PDE4D: variants seen among roughly 807,000 people sequenced by gnomAD.
The protein encoded by PDE4D is 3',5'-cyclic-AMP phosphodiesterase 4D.
Under a neutral mutation model 87.4 loss-of-function variants are expected in PDE4D, and 24 were observed. The ratio of observed to expected loss-of-function variants is 0.27; its 90% CI spans 0.20 to 0.39. The LOEUF is 0.39. Ranked by LOEUF, PDE4D falls within the 10% of genes least tolerant of loss-of-function variation. The pLI is 1.00. For synonymous variants in PDE4D, 384 were observed against 383.2 expected (o/e 1.00, Z -0.02); for missense variants, 714 against 1,041.0 (o/e 0.69, Z 4.32).
intron 1 of PDE4D, among the ~76,000 whole-genome samples, chr5:59,826,895 GAC>G (rs766131295): frequency 6.2e-4 from 95 of 152,142 alleles, no homozygotes; most frequent in Non-Finnish European, 1.3e-3. Flanking sequence ...AGCTCTTCCT[GAC>G]ACACTGTGAA....
At chr5:60,074,692 T>C (rs1314740683) in intron 2 of PDE4D, among the ~76,000 whole-genome samples, 1 of 152,244 alleles carries the variant, frequency 6.6e-6, no homozygotes, top group Non-Finnish European at 1.5e-5. Context: ...TGCTCCTCTG[T>C]TGGGTATGTA....
intron 2 of PDE4D, among the ~76,000 whole-genome samples, chr5:60,055,123 A>G (rs1770634993): frequency 6.6e-6 from 1 of 152,126 alleles, no homozygotes; most frequent in African/African-American, 2.4e-5. Context: ...AGCAGCTAGG[A>G]GCCTTGGCAG....
intron 1 of PDE4D, among the ~76,000 whole-genome samples, chr5:59,642,808 TA>T (rs35192034): frequency 0.34 from 52,018 of 152,042 alleles, 10,255 homozygotes; most frequent in East Asian, 0.74. Context: ...AGAAGTCTTA[TA>T]AAAAATTTGT....
At chr5:59,315,220 T>C (rs540203174) in intron 1 of PDE4D, among the ~76,000 whole-genome samples, 12 of 152,258 alleles carry the variant, frequency 7.9e-5, no homozygotes, top group South Asian at 2.1e-4. Context: ...TTAGCTGAAC[T>C]GAGGAGCAGA....
At chr5:60,399,470 G>A (rs1180787359) in intron 1 of PDE4D, among the ~76,000 whole-genome samples, 1 of 152,200 alleles carries the variant, frequency 6.6e-6, no homozygotes, top group Non-Finnish European at 1.5e-5. Flanking sequence ...GTGAATCTTA[G>A]TGGGAAACAA....
At chr5:60,077,375 G>A (rs998545082) in intron 2 of PDE4D, among the ~76,000 whole-genome samples, 1 of 152,150 alleles carries the variant, frequency 6.6e-6, no homozygotes, top group Admixed American at 6.5e-5. Flanking sequence ...AGTAGCATGG[G>A]GGACGCTGCA....
chr5:59,254,510 A>G (rs1249253482), intron 1 of PDE4D, among the ~76,000 whole-genome samples: 1 of 152,078 alleles, frequency 6.6e-6, no homozygotes, highest in Non-Finnish European at 1.5e-5. Flanking sequence ...CTTGTACAGC[A>G]CTAAGCACCT....
At chr5:60,349,299 T>C (rs1010916138) in intron 1 of PDE4D, among the ~76,000 whole-genome samples, 4 of 152,182 alleles carry the variant, frequency 2.6e-5, no homozygotes, top group Non-Finnish European at 5.9e-5. Flanking sequence ...TAATGTAATT[T>C]ATATTACTAT....
chr5:59,798,254 C>CTGTG (rs72009917), intron 1 of PDE4D, among the ~76,000 whole-genome samples: 1,632 of 143,894 alleles, frequency 0.011, 8 homozygotes, highest in East Asian at 0.029. Flanking sequence ...ATATAAATGC[C>CTGTG]TGTGTGTGTG....
At chr5:60,365,795 G>A (rs1760476178) in intron 1 of PDE4D, among the ~76,000 whole-genome samples, 1 of 152,106 alleles carries the variant, frequency 6.6e-6, no homozygotes, top group African/African-American at 2.4e-5. Context: ...CGTAATCTCA[G>A]CATTTTGGGA....
chr5:60,001,022 C>A (rs1763967612), intron 2 of PDE4D, among the ~76,000 whole-genome samples: 1 of 152,134 alleles, frequency 6.6e-6, no homozygotes, highest in East Asian at 1.9e-4. Flanking sequence ...ATCTTGTCCC[C>A]AGAGATGTAT....
At chr5:59,203,429 G>A (rs1394228162) in intron 2 of PDE4D, among the ~76,000 whole-genome samples, 1 of 152,042 alleles carries the variant, frequency 6.6e-6, no homozygotes, top group Admixed American at 6.5e-5. Context: ...ACAGTATGAA[G>A]GGTCTTCAAA....
intron 1 of PDE4D, among the ~76,000 whole-genome samples, chr5:59,405,669 G>T (rs1791481717): frequency 6.6e-6 from 1 of 152,190 alleles, no homozygotes; most frequent in South Asian, 2.1e-4. Flanking sequence ...TACTAGCTGT[G>T]GGTCTGTCAT....
chr5:58,987,341 T>C (rs1746701335), intron 11 of PDE4D, among the ~76,000 whole-genome samples: 1 of 152,164 alleles, frequency 6.6e-6, no homozygotes, highest in South Asian at 2.1e-4. Flanking sequence ...ACTAAACTTG[T>C]AAAAAAATAC....
intron 1 of PDE4D, among the ~76,000 whole-genome samples, chr5:59,372,454 A>G (rs944608081): frequency 1.3e-5 from 2 of 152,244 alleles, no homozygotes; most frequent in Admixed American, 1.3e-4. Context: ...AATTGTATAA[A>G]TTGAAGTTTT....
intron 1 of PDE4D, among the ~76,000 whole-genome samples, chr5:59,449,085 G>A (rs760757628): frequency 6.6e-6 from 1 of 152,144 alleles, no homozygotes; most frequent in Non-Finnish European, 1.5e-5. Flanking sequence ...AAAGAACAAT[G>A]CTTTTGATGC....
intron 1 of PDE4D, among the ~76,000 whole-genome samples, chr5:60,429,252 AT>A (rs1330732957): frequency 2.6e-5 from 4 of 152,166 alleles, no homozygotes; most frequent in African/African-American, 7.2e-5. Flanking sequence ...TAGATATGTT[AT>A]TTTTTGTGGC....
At chr5:59,459,891 T>C (rs566925264) in intron 1 of PDE4D, among the ~76,000 whole-genome samples, 1 of 152,270 alleles carries the variant, frequency 6.6e-6, no homozygotes, top group South Asian at 2.1e-4. Context: ...TGAAGTCAGA[T>C]ATCAATTCCT....
At chr5:59,072,859 T>C (rs1310079490) in intron 5 of PDE4D, among the ~76,000 whole-genome samples, 1 of 152,210 alleles carries the variant, frequency 6.6e-6, no homozygotes, top group Non-Finnish European at 1.5e-5. Context: ...GTTAGTGTAT[T>C]AGCCATTGAC....
Sources: allele counts gnomAD v4.1 joint callset (sites outside exome capture counted in the v4.1 genomes callset), GRCh38; gene constraint gnomAD v4.1.1; transcripts MANE v1.5; gene names NCBI Gene and HGNC (gene_info 2026-07-23, HGNC 2026-07-21).